PIK3C3: variants seen among roughly 807,000 people sequenced by gnomAD.
PIK3C3 encodes the protein PI3-kinase type 3.
In PIK3C3, 95 loss-of-function variants were observed where a neutral mutation model predicts 126.1. The ratio of observed to expected loss-of-function variants is 0.75; its 90% CI spans 0.64 to 0.89. The LOEUF (loss-of-function observed/expected upper bound fraction) is 0.89. PIK3C3 is among the 40% of genes least tolerant of loss of function. The pLI is 0.00. For missense variants in PIK3C3, 829 were observed against 1,063.2 expected (o/e 0.78, Z 3.06); for synonymous variants, 374 against 360.0 (o/e 1.04, Z -0.44).
At chr18:41,966,059 T>A (rs117782607) in intron 3 of PIK3C3, among the ~76,000 whole-genome samples, 1 of 152,326 alleles carries the variant, frequency 6.6e-6, no homozygotes, top group Non-Finnish European at 1.5e-5. Flanking sequence ...TGAAACCTGT[T>A]AGAGAGAAGC....
In PIK3C3 at chr18:41,966,198, T is replaced by TTTTTTTTTTTTTTC. The variant is rs1568112582; in HGVS notation, c.401+3568_401+3569insTTTTTTTTTTTCTT. ...GTTCCTTTTTTTTTTTTTTTTTTTT[T>TTTTTTTTTTTTTTC]TTGAGATGGATTCTCTGTCGCCCTG... On this transcript the variant is annotated intron_variant, in intron 3 of 24. Transcript: ENST00000262039. Among the ~76,000 whole-genome samples the TTTTTTTTTTTTTTC allele has an allele frequency of 1.4e-5, 2 of 143,614 alleles. 1 individual carries two copies. Among genetic ancestry groups the TTTTTTTTTTTTTTC allele is most frequent in the Non-Finnish European group, 3.0e-5 (2 of 65,792 alleles). The allele number at this position is 143,614 out of a possible 152,430, so 94.2% of individuals were successfully genotyped here. A position where few individuals can be genotyped will look rare whatever the true frequency, so the allele number is the denominator to read the frequency against.
At chr18:41,970,618 C>A in intron 4 of PIK3C3, 162 bp downstream of exon 4, 1 of 696,288 alleles carries the variant, frequency 1.4e-6, no homozygotes, top group Non-Finnish European at 2.5e-6. Context: ...AAAGTTCACC[C>A]TTGGAAAGCA....
At chr18:41,989,846 A>C (rs961275820) in intron 5 of PIK3C3, among the ~76,000 whole-genome samples, 3 of 152,208 alleles carry the variant, frequency 2.0e-5, no homozygotes, top group Non-Finnish European at 2.9e-5. Flanking sequence ...GGACACAATT[A>C]TATAAATAAC....
At chr18:42,009,397 A>T (rs544238859) in intron 10 of PIK3C3, among the ~76,000 whole-genome samples, 1 of 152,320 alleles carries the variant, frequency 6.6e-6, no homozygotes, top group East Asian at 1.9e-4. Flanking sequence ...TGAGATACAA[A>T]TTCTGAACAA....
At chr18:41,975,048 G>C (rs1420407400) in intron 4 of PIK3C3, among the ~76,000 whole-genome samples, 1 of 152,182 alleles carries the variant, frequency 6.6e-6, no homozygotes, top group Non-Finnish European at 1.5e-5. Context: ...GACACAGATA[G>C]GTATGGGAAT....
In PIK3C3 at chr18:42,013,610, G is replaced by T; in HGVS notation, c.1325+14G>T. ...AGAAATAGATAGGTATGGATATCCA[G>T]GGAGGACATATTTTCTAGTTTGTTA... On this transcript the variant is annotated intron_variant, in intron 11 of 24. Transcript: ENST00000262039. 6.5e-7 allele frequency: 1 copy of T among 1,548,866 alleles called. No homozygotes were observed. The highest frequency in any genetic ancestry group is 8.8e-7 in the Non-Finnish European group (1 of 1,142,524).
At chr18:42,069,643 G>GGATTT (rs1265519572) in intron 24 of PIK3C3, among the ~76,000 whole-genome samples, 1 of 151,954 alleles carries the variant, frequency 6.6e-6, no homozygotes, top group Non-Finnish European at 1.5e-5. Context: ...CTGTAGCAGG[G>GGATTT]GATTTACCCG....
chr18:42,009,503 TG>T (rs1982700279), intron 10 of PIK3C3, among the ~76,000 whole-genome samples: 1 of 152,204 alleles, frequency 6.6e-6, no homozygotes, highest in South Asian at 2.1e-4. Flanking sequence ...ATGAATTTTT[TG>T]GTTTCCTAGT....
chr18:42,049,656 T>C (rs1984708928), intron 21 of PIK3C3, 51 bp downstream of exon 21: 1 of 1,347,092 alleles, frequency 7.4e-7, no homozygotes, highest in Non-Finnish European at 1.1e-6. Flanking sequence ...CCCATGGTTT[T>C]TACCCCTGAA....
chr18:42,038,831 A>G lies in PIK3C3; in HGVS notation c.2019A>G (p.Leu673=), dbSNP rs1277384291. The G allele has an allele frequency of 6.3e-7, 1 of 1,599,592 alleles. No homozygotes were observed. Among genetic ancestry groups the G allele is most frequent in the South Asian group, 1.1e-5 (1 of 90,450 alleles). ...LDLKLTPYKV[L]ATSTKHGFMQ... ...TGAAATTGACACCTTATAAGGTGTTAGCCACCAGTACAAAACATGGTAAGT... is the reference window on the plus strand; with the variant it reads ...TGAAATTGACACCTTATAAGGTGTTGGCCACCAGTACAAAACATGGTAAGT... Residue 673 remains leucine (L), a synonymous_variant, in exon 18 of 25, where the codon TTA becomes TTG. Coordinates refer to ENST00000262039, the MANE Select transcript of PIK3C3 (RefSeq NM_002647.4).
At chr18:41,975,633 A>T (rs150804786) in intron 4 of PIK3C3, among the ~76,000 whole-genome samples, 165 of 152,072 alleles carry the variant, frequency 1.1e-3, no homozygotes, top group Middle Eastern at 6.8e-3. Context: ...TTCTTAGTGA[A>T]CCATGAAGGA....
At chr18:42,027,607 G>A (rs1983630037) in intron 14 of PIK3C3, 59 bp downstream of exon 14, 1 of 907,286 alleles carries the variant, frequency 1.1e-6, no homozygotes, top group East Asian at 2.6e-5. Context: ...TCAGCCTGTT[G>A]CCTGTTTAGG....
chr18:41,995,004 C>T lies in PIK3C3; in HGVS notation c.787-886C>T, dbSNP rs76538282. On this transcript the variant is annotated intron_variant, in intron 7 of 24. Transcript: ENST00000262039. ...AGTGAGCTATATTCATGCCAGTGTGCTCCAGTTTGGTCAACAGAGCAAGAT... is the reference window on the plus strand; with the variant it reads ...AGTGAGCTATATTCATGCCAGTGTGTTCCAGTTTGGTCAACAGAGCAAGAT... 8.3e-3 allele frequency among the ~76,000 whole-genome samples: 1,261 copies of T among 152,200 alleles called. 12 individuals carry two copies. The highest frequency in any genetic ancestry group is 0.028 in the African/African-American group (1,153 of 41,532).
chr18:42,076,257 A>G (rs1278855986), intron 24 of PIK3C3, among the ~76,000 whole-genome samples: 1 of 149,688 alleles, frequency 6.7e-6, no homozygotes, highest in Non-Finnish European at 1.5e-5. Flanking sequence ...ACATACACAC[A>G]TACATACATA....
chr18:41,996,827 C>T, intron 9 of PIK3C3, 97 bp downstream of exon 9: 1 of 682,910 alleles, frequency 1.5e-6, no homozygotes, highest in Middle Eastern at 3.2e-4. Context: ...GTTATTGTCA[C>T]TTTAAAGAAA....
intron 4 of PIK3C3, among the ~76,000 whole-genome samples, chr18:41,978,685 C>G (rs1232608875): frequency 6.6e-6 from 1 of 152,122 alleles, no homozygotes; most frequent in Non-Finnish European, 1.5e-5. Context: ...TAATCTTCAT[C>G]CAAGTGCCCT....
intron 4 of PIK3C3, among the ~76,000 whole-genome samples, chr18:41,975,694 G>T (rs1980883264): frequency 7.2e-6 from 1 of 138,992 alleles, no homozygotes; most frequent in East Asian, 2.1e-4. Flanking sequence ...ATCTAAAACG[G>T]ACTGTTTTTT....
chr18:42,076,111 TATATATATATGC>T (rs1267591056), intron 24 of PIK3C3, among the ~76,000 whole-genome samples: 1 of 79,322 alleles, frequency 1.3e-5, no homozygotes, highest in African/African-American at 6.1e-5. Context: ...TATATATATA[TATATATATATGC>T]GCATATATAT....
At chr18:42,057,803 T>TA in intron 21 of PIK3C3, 80 bp from the exon 22 acceptor site, 2 of 1,221,164 alleles carry the variant, frequency 1.6e-6, no homozygotes, top group Non-Finnish European at 2.4e-6. Context: ...AGACACTGTT[T>TA]ATATCAATTG....
Sources: gnomAD v4.1 joint callset for allele counts (sites outside exome capture counted in the v4.1 genomes callset) on GRCh38, gnomAD v4.1.1 for gene constraint, MANE v1.5 for transcripts, NCBI Gene and HGNC (gene_info 2026-07-23, HGNC 2026-07-21) for gene names.